The following RAB27B variants were observed in gnomAD, a reference collection of about 807,000 sequenced individuals.
The protein encoded by RAB27B is RAB27B, member RAS oncogene family.
RAB27B carries 15 observed loss-of-function variants against 24.6 expected under a neutral mutation model. The observed-to-expected ratio is 0.61, with a 90% confidence interval of 0.41 to 0.94. RAB27B has a LOEUF of 0.94. RAB27B is among the 40% of genes least tolerant of loss of function. RAB27B has a pLI of 0.00. For synonymous variants in RAB27B, 105 were observed against 92.5 expected, an observed-to-expected ratio of 1.14 and a Z score of -0.78; for missense variants, 261 against 266.8, an observed-to-expected ratio of 0.98 and a Z score of 0.15.
intron 2 of RAB27B, among the ~76,000 whole-genome samples, chr18:54,773,721 G>A (rs1908627337): frequency 1.3e-5 from 2 of 151,414 alleles, no homozygotes; most frequent in Admixed American, 1.3e-4. Flanking sequence ...TGTCACCCAG[G>A]CTGGAGTGCA....
At chr18:54,766,608 C>T (rs1375320791) in intron 2 of RAB27B, among the ~76,000 whole-genome samples, 1 of 152,036 alleles carries the variant, frequency 6.6e-6, no homozygotes, top group Admixed American at 6.6e-5. Context: ...AGATTCTTAA[C>T]ATTTTAGTCG....
chr18:54,856,775 A>G (rs770438581), intron 1 of RAB27B, among the ~76,000 whole-genome samples: 2 of 152,202 alleles, frequency 1.3e-5, no homozygotes, highest in Non-Finnish European at 1.5e-5. Context: ...TCTGTGCCCA[A>G]TGCATATTAG....
rs1913373057 is a variant in RAB27B, at chr18:54,891,612, A to G, written c.*2199A>G. On this transcript the variant is annotated 3_prime_UTR_variant, in exon 6 of 6. Coordinates refer to ENST00000262094, the MANE Select transcript of RAB27B (RefSeq NM_004163.4). ...GTCCCCTGCATTTCCTTAATAGGGA[A>G]TGTGAAACCTTTATAAAACTCTAAA... The G allele has an allele frequency of 6.6e-6, 1 of 152,114 alleles. No homozygotes were observed. Among genetic ancestry groups the G allele is most frequent in the Non-Finnish European group, 1.5e-5 (1 of 68,006 alleles). The allele number at this position is 152,114 out of a possible 1,614,324, so 9.4% of individuals were successfully genotyped here. A position where few individuals can be genotyped will look rare whatever the true frequency, so the allele number is the denominator to read the frequency against.
At chr18:54,769,480 T>C (rs1345451453) in intron 2 of RAB27B, among the ~76,000 whole-genome samples, 1 of 151,982 alleles carries the variant, frequency 6.6e-6, no homozygotes, top group East Asian at 1.9e-4. Context: ...TTGTTAATTT[T>C]TGAGAGCTCT....
At chr18:54,816,436 A>T (rs922667069) in intron 2 of RAB27B, among the ~76,000 whole-genome samples, 5 of 152,264 alleles carry the variant, frequency 3.3e-5, no homozygotes, top group African/African-American at 1.2e-4. Context: ...TATCCGTGCC[A>T]AGACGACTGA....
At chr18:54,769,374 CT>C (rs1908468869) in intron 2 of RAB27B, among the ~76,000 whole-genome samples, 1 of 152,062 alleles carries the variant, frequency 6.6e-6, no homozygotes. Context: ...ATAAGAACAT[CT>C]TTTTTAAAGT....
intron 3 of RAB27B, among the ~76,000 whole-genome samples, chr18:54,881,333 A>G (rs79977771): frequency 0.03 from 4,522 of 152,058 alleles, 98 homozygotes; most frequent in Middle Eastern, 0.061. Context: ...TGGGTTCTAA[A>G]GGGGAGGGCT....
At chr18:54,826,264 C>A (rs766522190), upstream of RAB27B, among the ~76,000 whole-genome samples, 7 of 152,156 alleles carry the variant, frequency 4.6e-5, no homozygotes, top group Non-Finnish European at 1.0e-4. Context: ...ACATAAACTC[C>A]AGGTACAGGA....
intron 2 of RAB27B, among the ~76,000 whole-genome samples, chr18:54,802,228 G>A (rs1396700648): frequency 6.6e-6 from 1 of 152,206 alleles, no homozygotes; most frequent in Non-Finnish European, 1.5e-5. Flanking sequence ...CTGTGATACT[G>A]TTAGTAGTAG....
intron 2 of RAB27B, among the ~76,000 whole-genome samples, chr18:54,783,807 G>T (rs762388305): frequency 6.6e-5 from 10 of 152,054 alleles, no homozygotes; most frequent in Non-Finnish European, 1.3e-4. Flanking sequence ...CTTCATGGTG[G>T]AAAATGAATG....
intron 2 of RAB27B, among the ~76,000 whole-genome samples, chr18:54,756,596 A>G (rs1232562680): frequency 6.6e-6 from 1 of 152,134 alleles, no homozygotes; most frequent in Non-Finnish European, 1.5e-5. Context: ...GTTGATGAAC[A>G]GGAGCCTACT....
In RAB27B at chr18:54,892,747, C is replaced by G. The variant is rs1260963375; in HGVS notation, c.*3334C>G. On this transcript the variant is annotated 3_prime_UTR_variant, in exon 6 of 6. Coordinates refer to ENST00000262094, the MANE Select transcript of RAB27B (RefSeq NM_004163.4). The stretch of plus-strand genomic sequence containing the variant: ...CATTTTCGTATTATCAGCTATCGCC[C>G]TGTAAAATATTCAAAACTAGCTATT... The G allele has an allele frequency of 6.6e-6, 1 of 151,956 alleles. No individual in the cohort carries two copies. Among genetic ancestry groups the G allele is most frequent in the East Asian group, 1.9e-4 (1 of 5,186 alleles). 9.4% of individuals were successfully genotyped at this position (151,956 alleles called of 1,614,324 possible).
intron 2 of RAB27B, among the ~76,000 whole-genome samples, chr18:54,749,210 A>T (rs764875452): frequency 6.6e-6 from 1 of 152,146 alleles, no homozygotes; most frequent in Non-Finnish European, 1.5e-5. Context: ...TAGATAAGAA[A>T]ATTTCAGAAA....
chr18:54,728,421 G>T (rs1417557750), intron 2 of RAB27B, among the ~76,000 whole-genome samples: 1 of 152,180 alleles, frequency 6.6e-6, no homozygotes, highest in Non-Finnish European at 1.5e-5. Flanking sequence ...GAAGCCCATG[G>T]TAACTGTCAG....
chr18:54,842,535 A>C (rs1313693565), intron 1 of RAB27B, among the ~76,000 whole-genome samples: 1 of 152,198 alleles, frequency 6.6e-6, no homozygotes, highest in Non-Finnish European at 1.5e-5. Flanking sequence ...TTTAGAAGAT[A>C]ATATCAAGAA....
rs568140530 is a variant in RAB27B at position 54,886,350 on chromosome 18, T to C, written c.344-1645T>C. On this transcript the variant is annotated intron_variant, in intron 4 of 5. Coordinates refer to ENST00000262094, the MANE Select transcript of RAB27B (RefSeq NM_004163.4). ...TTTTCCATTTTATTTCAATGCAATA[T>C]GCCATACCTGGGTGAGTGCCTGGCA... Among the ~76,000 whole-genome samples, 8 of 152,302 alleles carry C rather than the reference T, an allele frequency of 5.3e-5. No individual in the cohort carries two copies. In the East Asian group the frequency reaches 1.5e-3, roughly 29 times the overall value.
chr18:54,884,411 C>A lies in RAB27B; in HGVS notation c.318C>A (p.Ser106Arg), dbSNP rs767584601. The A allele has an allele frequency of 1.2e-6, 2 of 1,611,164 alleles. No individual in the cohort carries two copies. The highest frequency in any genetic ancestry group is 1.7e-5 in the Admixed American group (1 of 59,970). Residue 106 changes from serine to arginine, a missense_variant, in exon 4 of 6, where the codon AGC becomes AGA. Coordinates refer to ENST00000262094, the MANE Select transcript of RAB27B (RefSeq NM_004163.4). Reference sequence around the variant, plus strand: ...TGTTTGACCTCACCAGTCAACAGAGCTTCTTAAATGTCAGAAACTGGATGA... The same window carrying A: ...TGTTTGACCTCACCAGTCAACAGAGATTCTTAAATGTCAGAAACTGGATGA... Reference protein sequence around the residue: ...LLMFDLTSQQSFLNVRNWMSQ... With the variant: ...LLMFDLTSQQRFLNVRNWMSQ...
Position 54,879,431 on chromosome 18 carries a change from T to G in RAB27B, c.216T>G (p.Leu72=), listed in dbSNP as rs1248931525. Reference sequence around the variant, plus strand: ...AAGCATTTAAAGTGCATCTTCAGCTTTGGGACACTGCGGGACAAGAGCGGT... The same window carrying G: ...AAGCATTTAAAGTGCATCTTCAGCTGTGGGACACTGCGGGACAAGAGCGGT... ...SGKAFKVHLQ[L]WDTAGQERFR... The change falls in exon 3 of 6, where the codon CTT becomes CTG. Residue 72 remains leucine, a synonymous_variant. Coordinates refer to ENST00000262094, the MANE Select transcript of RAB27B (RefSeq NM_004163.4). 6.2e-7 allele frequency: 1 copy of G among 1,612,776 alleles called. No individual in the cohort carries two copies. Among genetic ancestry groups the G allele is most frequent in the Non-Finnish European group, 8.5e-7 (1 of 1,178,852 alleles).
chr18:54,820,467 G>GT (rs1215709654), intron 2 of RAB27B, among the ~76,000 whole-genome samples: 1 of 152,096 alleles, frequency 6.6e-6, no homozygotes, highest in Non-Finnish European at 1.5e-5. Context: ...TGATGGGATT[G>GT]TTTTTTTCTT....
Sources: allele counts gnomAD v4.1 joint callset (sites outside exome capture counted in the v4.1 genomes callset), GRCh38; gene constraint gnomAD v4.1.1; transcripts MANE v1.5; gene names NCBI Gene and HGNC (gene_info 2026-07-23, HGNC 2026-07-21).